CSMD1: variants seen among roughly 807,000 people sequenced by gnomAD.
CSMD1 encodes the protein CUB and Sushi multiple domains 1.
A neutral mutation model predicts 417.5 loss-of-function variants in CSMD1; 213 were observed. The observed-to-expected ratio is 0.51, with a 90% CI of 0.46 to 0.57. The LOEUF (loss-of-function observed/expected upper bound fraction) is 0.57. Among genes scored for constraint, CSMD1 ranks in the 20% least tolerant of loss-of-function variants. CSMD1 has a pLI of 0.00. For synonymous variants in CSMD1, 2,862 were observed against 1,736.8 expected, an observed-to-expected ratio of 1.65 and a Z score of -16.11; for missense variants, 6,923 against 4,529.7, an observed-to-expected ratio of 1.53 and a Z score of -15.17.
chr8:3,076,075 CGTT>C (rs1485207250), intron 49 of CSMD1, among the ~76,000 whole-genome samples: 1 of 146,992 alleles, frequency 6.8e-6, no homozygotes, highest in Non-Finnish European at 1.5e-5. Flanking sequence ...AAAAAAAAGA[CGTT>C]GTCACTGTTT....
chr8:3,834,532 C>T (rs1022222014), intron 5 of CSMD1, among the ~76,000 whole-genome samples: 6 of 152,254 alleles, frequency 3.9e-5, no homozygotes, highest in Non-Finnish European at 5.9e-5. Flanking sequence ...CTGCACTGTG[C>T]GTCTCTTCCA....
intron 12 of CSMD1, among the ~76,000 whole-genome samples, chr8:3,453,057 T>TGTCG (rs1815855136): frequency 6.6e-6 from 1 of 152,218 alleles, no homozygotes; most frequent in South Asian, 2.1e-4. Flanking sequence ...AGAGTGTATG[T>TGTCG]GTCGAGGAAT....
intron 5 of CSMD1, among the ~76,000 whole-genome samples, chr8:3,877,812 G>C (rs900730904): frequency 6.6e-6 from 1 of 152,190 alleles, no homozygotes; most frequent in African/African-American, 2.4e-5. Flanking sequence ...TTATCATGGA[G>C]ATTGTATATT....
chr8:4,837,718 C>T (rs528674472), intron 1 of CSMD1, among the ~76,000 whole-genome samples: 1 of 152,004 alleles, frequency 6.6e-6, no homozygotes, highest in Admixed American at 6.6e-5. Context: ...TGACTATAGT[C>T]AGTAATAACC....
chr8:4,052,261 C>G (rs1270150422), intron 3 of CSMD1, among the ~76,000 whole-genome samples: 1 of 152,180 alleles, frequency 6.6e-6, no homozygotes, highest in Non-Finnish European at 1.5e-5. Context: ...GGAGTCCAGA[C>G]AGGGCACAGC....
rs537034354 is a variant in CSMD1 at position 3,881,278 on chromosome 8, T to G, written c.818+116625A>C. ...TTTGTTTTTTGCTTTTTTTTTTCAC[T>G]AATTCATAAGCCAATTCTAATATTT... is the stretch of plus-strand genomic sequence containing the variant. On this transcript the variant is annotated intron_variant, in intron 5 of 69. Transcript: ENST00000635120. Among the ~76,000 whole-genome samples, 8 of 149,900 alleles carry G rather than the reference T, an allele frequency of 5.3e-5. No individual in the cohort carries two copies. The East Asian group carries it at 1.6e-3, about 29-fold the overall frequency.
intron 4 of CSMD1, among the ~76,000 whole-genome samples, chr8:4,025,074 G>T (rs190160368): frequency 6.6e-6 from 1 of 152,250 alleles, no homozygotes; most frequent in East Asian, 1.9e-4. Flanking sequence ...ACAAAAATAA[G>T]ATTCAGAATT....
intron 40 of CSMD1, among the ~76,000 whole-genome samples, chr8:3,147,636 G>A (rs970783397): frequency 3.3e-5 from 5 of 152,216 alleles, no homozygotes; most frequent in African/African-American, 1.2e-4. Context: ...CTGGGGGGCA[G>A]TCATTTTCCT....
intron 37 of CSMD1, among the ~76,000 whole-genome samples, chr8:3,178,948 C>CTTT (rs11347913): frequency 2.2e-5 from 3 of 135,132 alleles, no homozygotes; most frequent in African/African-American, 5.6e-5. Flanking sequence ...ATCTATATTT[C>CTTT]TTTTTTTTTT....
chr8:4,395,787 T>C (rs901303285), intron 3 of CSMD1, among the ~76,000 whole-genome samples: 2 of 152,130 alleles, frequency 1.3e-5, no homozygotes, highest in African/African-American at 4.8e-5. Context: ...AAGAAGAGAA[T>C]ACAATTCAAT....
chr8:3,658,466 G>GTATA (rs60906631), intron 7 of CSMD1, among the ~76,000 whole-genome samples: 16 of 145,698 alleles, frequency 1.1e-4, no homozygotes, highest in African/African-American at 3.2e-4. Context: ...TATATATTGT[G>GTATA]TATATATATA....
At chr8:4,615,322 C>T (rs977735547) in intron 2 of CSMD1, among the ~76,000 whole-genome samples, 7 of 152,128 alleles carry the variant, frequency 4.6e-5, no homozygotes, top group Admixed American at 3.9e-4. Flanking sequence ...TTCCCCCAAA[C>T]CCAGAAAACT....
At chr8:4,651,965 T>A (rs964607800) in intron 1 of CSMD1, among the ~76,000 whole-genome samples, 1 of 152,202 alleles carries the variant, frequency 6.6e-6, no homozygotes, top group East Asian at 1.9e-4. Flanking sequence ...ATCCTCTGGG[T>A]CTAGCTCCCT....
chr8:3,576,725 A>G (rs1451416919), intron 9 of CSMD1, among the ~76,000 whole-genome samples: 3 of 152,152 alleles, frequency 2.0e-5, no homozygotes, highest in African/African-American at 7.2e-5. Flanking sequence ...CCTCTTATAC[A>G]CTAATATCTC....
rs772461203 is a variant in CSMD1 at position 4,412,891 on chromosome 8, C to T, written c.415+7062G>A. Among the ~76,000 whole-genome samples, 94 of 152,080 alleles carry T rather than the reference C, an allele frequency of 6.2e-4. 1 individual carries two copies. Among genetic ancestry groups the T allele is most frequent in the Admixed American group, 4.6e-4 (7 of 15,266 alleles). On this transcript the variant is annotated intron_variant, in intron 3 of 69. Coordinates refer to ENST00000635120, the MANE Select transcript of CSMD1 (RefSeq NM_033225.6). ...GAATTCAGAACAAGAAAAAGAAAGA[C>T]ATAAGATAACTGACAACAATCAGAT... is the stretch of plus-strand genomic sequence containing the variant.
chr8:4,063,427 A>T (rs1799083568), intron 3 of CSMD1, among the ~76,000 whole-genome samples: 1 of 152,224 alleles, frequency 6.6e-6, no homozygotes, highest in Non-Finnish European at 1.5e-5. Context: ...TATGATTATT[A>T]AATGAATACA....
chr8:4,196,075 G>C lies in CSMD1; in HGVS notation c.416-163976C>G, dbSNP rs185957234. Among the ~76,000 whole-genome samples the C allele has an allele frequency of 8.7e-4, 132 of 152,234 alleles. 1 individual carries two copies. Among genetic ancestry groups the C allele is most frequent in the African/African-American group, 3.0e-3 (126 of 41,546 alleles). ...AAATACAAAAAATTAGCCGGGCGTG[G>C]TGACGGGCGCCTGTAGTCCCAGCTG... On this transcript the variant is annotated intron_variant, in intron 3 of 69. Coordinates refer to ENST00000635120, the MANE Select transcript of CSMD1 (RefSeq NM_033225.6).
At chr8:3,676,457 T>G (rs1026480684) in intron 7 of CSMD1, among the ~76,000 whole-genome samples, 46 of 152,362 alleles carry the variant, frequency 3.0e-4, no homozygotes, top group African/African-American at 9.9e-4. Context: ...ATGTAGAAAT[T>G]ATTACATGTT....
intron 54 of CSMD1, among the ~76,000 whole-genome samples, chr8:2,993,720 G>A (rs892491216): frequency 6.6e-6 from 1 of 152,096 alleles, no homozygotes; most frequent in Non-Finnish European, 1.5e-5. Context: ...TTTAAAAGAC[G>A]AGCGTGGCTA....
Sources: gnomAD v4.1 joint callset for allele counts (sites outside exome capture counted in the v4.1 genomes callset) on GRCh38, gnomAD v4.1.1 for gene constraint, MANE v1.5 for transcripts, NCBI Gene and HGNC (gene_info 2026-07-23, HGNC 2026-07-21) for gene names.